Variants in SYCE2 observed in about 807,000 individuals in gnomAD.
SYCE2 encodes the protein central element synaptonemal complex 1.
In SYCE2, 3 loss-of-function variants were observed where a neutral mutation model predicts 27.9. The ratio of observed to expected loss-of-function variants is 0.11; its 90% CI spans 0.05 to 0.28. SYCE2 has a LOEUF of 0.28. Among genes scored for constraint, SYCE2 ranks in the 10% least tolerant of loss-of-function variants. The pLI, the probability that SYCE2 is intolerant of heterozygous loss-of-function variation, is 1.00. For missense variants in SYCE2, 207 were observed against 263.5 expected, an observed-to-expected ratio of 0.79 and a Z score of 1.48; for synonymous variants, 85 against 100.7, an observed-to-expected ratio of 0.84 and a Z score of 0.93.
At chr19:12,915,322 C>T (rs1040314420) in intron 2 of SYCE2, among the ~76,000 whole-genome samples, 8 of 152,090 alleles carry the variant, frequency 5.3e-5, no homozygotes, top group Admixed American at 4.6e-4. Flanking sequence ...GGAGGTGAGC[C>T]GGGCGCGGTG....
At position 12,899,930 on chromosome 19, in the gene SYCE2, G is replaced by A. The variant is rs1383612086; in HGVS notation, c.612+74C>T. 2.5e-6 allele frequency: 4 copies of A among 1,610,838 alleles called. No individual in the cohort carries two copies. In the African/African-American group the frequency reaches 4.0e-5, roughly 16 times the overall value. On this transcript the variant is annotated intron_variant, in intron 5 of 5. Coordinates refer to ENST00000293695, the MANE Select transcript of SYCE2 (RefSeq NM_001105578.2). Reference sequence around the variant, plus strand: ...GTAGTGCCTTATGCTGGGTGTTGGAGCAGAGTGAGGGAGAGGAAAATAAAG... The same window carrying A: ...GTAGTGCCTTATGCTGGGTGTTGGAACAGAGTGAGGGAGAGGAAAATAAAG...
intron 2 of SYCE2, 59 bp from the exon 3 acceptor site, chr19:12,904,725 G>A: frequency 6.3e-7 from 1 of 1,588,464 alleles, no homozygotes; most frequent in South Asian, 1.1e-5. Flanking sequence ...GAAGCGGCCA[G>A]GTGTAGTCGC....
At chr19:12,910,144 C>T (rs923404330) in intron 2 of SYCE2, among the ~76,000 whole-genome samples, 15 of 152,238 alleles carry the variant, frequency 9.9e-5, no homozygotes, top group East Asian at 9.7e-4. Flanking sequence ...GGATTACAGG[C>T]GTGAGCCACC....
chr19:12,902,900 T>TTTTGTTTG (rs933349098), intron 3 of SYCE2, among the ~76,000 whole-genome samples: 2 of 151,128 alleles, frequency 1.3e-5, no homozygotes, highest in Non-Finnish European at 2.9e-5. Context: ...CCATTATGTA[T>TTTTGTTTG]TTTGTTTGTT....
chr19:12,905,467 G>T (rs1040916849), intron 2 of SYCE2, among the ~76,000 whole-genome samples: 2 of 151,822 alleles, frequency 1.3e-5, no homozygotes, highest in Non-Finnish European at 1.5e-5. Flanking sequence ...GAGTAGCTGG[G>T]ACTACAGGCG....
chr19:12,905,129 C>G (rs1970910148), intron 2 of SYCE2, among the ~76,000 whole-genome samples: 1 of 152,016 alleles, frequency 6.6e-6, no homozygotes, highest in South Asian at 2.1e-4. Context: ...GGCATGCTTC[C>G]TAGGTTATTC....
chr19:12,911,898 G>A (rs973823814), intron 2 of SYCE2, among the ~76,000 whole-genome samples: 2 of 151,642 alleles, frequency 1.3e-5, no homozygotes, highest in South Asian at 2.1e-4. Flanking sequence ...GATTACAGGC[G>A]TGAGCCACCG....
At chr19:12,910,986 T>C (rs1449763571) in intron 2 of SYCE2, among the ~76,000 whole-genome samples, 2 of 152,044 alleles carry the variant, frequency 1.3e-5, no homozygotes, top group Non-Finnish European at 2.9e-5. Context: ...CTGACCTTTT[T>C]TTTTCTTTTG....
At chr19:12,902,002 A>G (rs1599627923) in intron 3 of SYCE2, among the ~76,000 whole-genome samples, 2 of 152,142 alleles carry the variant, frequency 1.3e-5, no homozygotes, top group South Asian at 4.1e-4. Flanking sequence ...ATATACAATG[A>G]TGGCCCATAA....
At chr19:12,900,816 G>C in intron 3 of SYCE2, 168 bp from the exon 4 acceptor site, 1 of 633,600 alleles carries the variant, frequency 1.6e-6, no homozygotes, top group Non-Finnish European at 2.7e-6. Flanking sequence ...GGCCAAGGTG[G>C]GTGGATTACT....
intron 2 of SYCE2, among the ~76,000 whole-genome samples, chr19:12,907,497 AAAAT>A (rs1212784590): frequency 6.6e-6 from 1 of 152,218 alleles, no homozygotes; most frequent in Non-Finnish European, 1.5e-5. Flanking sequence ...ATTACTTACA[AAAAT>A]AAATCTTGGC....
chr19:12,912,379 C>T (rs1599639800), intron 2 of SYCE2, among the ~76,000 whole-genome samples: 1 of 148,418 alleles, frequency 6.7e-6, no homozygotes, highest in South Asian at 2.1e-4. Flanking sequence ...TGCTTCTCTA[C>T]CCCCCGCTAT....
In SYCE2 at chr19:12,918,326, G is replaced by A. The variant is rs367606944; in HGVS notation, c.27C>T (p.Pro9=). The A allele has an allele frequency of 2.0e-5, 32 of 1,613,982 alleles. No homozygotes were observed. The African/African-American group carries it at 4.0e-4, about 20-fold the overall frequency. Residue 9 remains proline, a synonymous_variant, in exon 2 of 6, where the codon CCC becomes CCT. Transcript: ENST00000293695. MERQGVDV[P]HVKCKDQEPQ... is the part of the protein sequence containing the mutation. ...GTTCCTGGTCTTTGCATTTCACATGGGGCACGTCCACCTGCAAGCACAGTC... is the reference window on the plus strand; with the variant it reads ...GTTCCTGGTCTTTGCATTTCACATGAGGCACGTCCACCTGCAAGCACAGTC...
chr19:12,904,106 C>T (rs571740702), intron 3 of SYCE2, among the ~76,000 whole-genome samples: 24 of 152,166 alleles, frequency 1.6e-4, no homozygotes, highest in African/African-American at 5.8e-4. Flanking sequence ...CTCGACCTTG[C>T]GTGAAGTAAG....
chr19:12,911,686 C>T (rs554163433), intron 2 of SYCE2, among the ~76,000 whole-genome samples: 18 of 142,284 alleles, frequency 1.3e-4, no homozygotes, highest in South Asian at 8.9e-4. Context: ...GCCACGATCT[C>T]GGCTCACTGC....
intron 2 of SYCE2, among the ~76,000 whole-genome samples, chr19:12,917,658 G>GTTTTTTTTTTTT (rs1568440332): frequency 2.9e-5 from 1 of 33,976 alleles, no homozygotes; most frequent in South Asian, 1.1e-3. Context: ...ACCATTCCTG[G>GTTTTTTTTTTTT]CTTTTTTTTT....
rs761899384 is a variant in SYCE2 at position 12,898,815 on chromosome 19, T to C, written c.*526A>G. On this transcript the variant is annotated 3_prime_UTR_variant, in exon 6 of 6. Coordinates refer to ENST00000293695, the MANE Select transcript of SYCE2 (RefSeq NM_001105578.2). Reference sequence around the variant, plus strand: ...AAAAATAGGTTTGTACTTTAGGAAGTAAACAGAATTGGCTCTAAAAAGGAG... The same window carrying C: ...AAAAATAGGTTTGTACTTTAGGAAGCAAACAGAATTGGCTCTAAAAAGGAG... 4 of 170,820 alleles carry C rather than the reference T, an allele frequency of 2.3e-5. No homozygotes were observed. Among genetic ancestry groups the C allele is most frequent in the Non-Finnish European group, 3.8e-5 (3 of 78,398 alleles). 10.6% of individuals were successfully genotyped at this position (170,820 alleles called of 1,614,324 possible). A position where few individuals can be genotyped will look rare whatever the true frequency, so the allele number is the denominator to read the frequency against.
At chr19:12,899,468 G>T in intron 5 of SYCE2, 83 bp from the exon 6 acceptor site, 5 of 1,614,128 alleles carry the variant, frequency 3.1e-6, no homozygotes, top group Non-Finnish European at 4.2e-6. Context: ...TCTTGTCCAG[G>T]TACACATGAC....
intron 2 of SYCE2, among the ~76,000 whole-genome samples, chr19:12,911,147 T>A (rs1599638436): frequency 6.6e-6 from 1 of 152,066 alleles, no homozygotes; most frequent in South Asian, 2.1e-4. Flanking sequence ...AAATTTTGTT[T>A]AATTTTTCTG....
Sources: allele counts gnomAD v4.1 joint callset (sites outside exome capture counted in the v4.1 genomes callset), GRCh38; gene constraint gnomAD v4.1.1; transcripts MANE v1.5; gene names NCBI Gene and HGNC (gene_info 2026-07-23, HGNC 2026-07-21).